Variants in ZNF723 observed in about 807,000 individuals in gnomAD.
The protein encoded by ZNF723 is zinc finger protein 723.
ZNF723 carries 5 observed loss-of-function variants against 9.4 expected under a neutral mutation model. The observed-to-expected ratio is 0.53, with a 90% CI of 0.28 to 1.12. The LOEUF (loss-of-function observed/expected upper bound fraction) is 1.12. ZNF723 is among the 50% of genes most tolerant of loss of function. ZNF723 has a pLI of 0.10. For synonymous variants in ZNF723, 158 were observed against 168.8 expected (o/e 0.94, Z 0.49); for missense variants, 450 against 501.5 (o/e 0.90, Z 0.98).
At chr19:22,851,441 GGATTACAGGCGTGA>G (rs1156999678) in intron 3 of ZNF723, among the ~76,000 whole-genome samples, 1 of 152,060 alleles carries the variant, frequency 6.6e-6, no homozygotes, top group Non-Finnish European at 1.5e-5. Flanking sequence ...TAAAGTGCTG[GGATTACAGGCGTGA>G]GGCACCGCGC....
chr19:22,834,723 C>T (rs1322847380), intron 1 of ZNF723, among the ~76,000 whole-genome samples: 1 of 152,082 alleles, frequency 6.6e-6, no homozygotes, highest in Non-Finnish European at 1.5e-5. Flanking sequence ...TTCACCTAAC[C>T]CATCTTCCAT....
intron 3 of ZNF723, among the ~76,000 whole-genome samples, chr19:22,853,814 A>G (rs1465800163): frequency 6.6e-6 from 1 of 152,012 alleles, no homozygotes; most frequent in African/African-American, 2.4e-5. Context: ...GGGTTTCACC[A>G]TGTTGGCCAG....
chr19:22,820,591 A>G, the ZNF723 span, among the ~76,000 whole-genome samples: 1 of 152,262 alleles, frequency 6.6e-6, no homozygotes, highest in South Asian at 2.1e-4. Flanking sequence ...AATACCTCAA[A>G]CCATCCAATA....
At chr19:22,813,630 G>T in the ZNF723 span, among the ~76,000 whole-genome samples, 1 of 151,540 alleles carries the variant, frequency 6.6e-6, no homozygotes, top group African/African-American at 2.4e-5. Flanking sequence ...AATCACAGCT[G>T]CTTGGGAGGC....
chr19:22,839,539 T>C (rs1967213225), intron 1 of ZNF723, among the ~76,000 whole-genome samples: 1 of 150,918 alleles, frequency 6.6e-6, no homozygotes, highest in African/African-American at 2.4e-5. Flanking sequence ...TGATCTCAGC[T>C]GATTGCAGTC....
intron 1 of ZNF723, among the ~76,000 whole-genome samples, chr19:22,846,690 T>C (rs1868818708): frequency 6.6e-6 from 1 of 152,038 alleles, no homozygotes. Flanking sequence ...AACTGCTCTC[T>C]AGGGTGCTCA....
chr19:22,856,126 A>G (rs147624776), intron 3 of ZNF723, among the ~76,000 whole-genome samples: 2,073 of 151,866 alleles, frequency 0.014, 47 homozygotes, highest in African/African-American at 0.048. Flanking sequence ...CACCCAGCTA[A>G]TTTTTTGTAT....
rs757102509 is a variant in ZNF723 at position 22,832,376 on chromosome 19, A to G, written c.-4A>G. The G allele has an allele frequency of 7.2e-7, 1 of 1,381,096 alleles. No individual in the cohort carries two copies. Among genetic ancestry groups the G allele is most frequent in the Admixed American group, 1.7e-5 (1 of 57,718 alleles). 85.6% of individuals were successfully genotyped at this position (1,381,096 alleles called of 1,614,324 possible). A position where few individuals can be genotyped will look rare whatever the true frequency, so the allele number is the denominator to read the frequency against. On this transcript the variant is annotated 5_prime_UTR_variant, in exon 1 of 4. Coordinates refer to ENST00000600766, the MANE Select transcript of ZNF723 (RefSeq NM_001349726.2). The stretch of plus-strand genomic sequence containing the variant: ...AGACGCCAGGACTCCCTGGAAGCCT[A>G]GAAATGGTGAGAGTACCGGGTCCGA...
chr19:22,834,034 G>T (rs1967133695), intron 1 of ZNF723, among the ~76,000 whole-genome samples: 1 of 144,020 alleles, frequency 6.9e-6, no homozygotes, highest in South Asian at 2.2e-4. Flanking sequence ...TCCTGCCTCA[G>T]CCTCCTAGGT....
Position 22,858,387 on chromosome 19 carries a change from A to T in ZNF723, c.1496A>T (p.His499Leu). The change falls in exon 4 of 4, where the codon CAT becomes CTT. Residue 499 changes from histidine (H) to leucine (L), a missense_variant. Physicochemically the swap from His to Leu is moderately conservative, Grantham distance 99. Transcript: ENST00000600766. ...AACAAGTCCTCAATTCTTAACAGAC[A>T]TAAGATAATTCATACTAAAGAGAAA... ...AFNKSSILNR[H>L]KIIHTKEKSQ... is the part of the protein sequence containing the mutation. The T allele has an allele frequency of 1.2e-6, 1 of 811,596 alleles. No individual in the cohort carries two copies. Among genetic ancestry groups the T allele is most frequent in the Non-Finnish European group, 2.0e-6 (1 of 492,410 alleles). 50.3% of individuals were successfully genotyped at this position (811,596 alleles called of 1,614,324 possible).
intron 1 of ZNF723, among the ~76,000 whole-genome samples, chr19:22,839,766 C>T (rs535378049): frequency 1.3e-5 from 2 of 152,238 alleles, no homozygotes; most frequent in Admixed American, 6.5e-5. Flanking sequence ...TGAGCCACTG[C>T]GCTTGGCCCT....
intron 3 of ZNF723, among the ~76,000 whole-genome samples, chr19:22,854,915 C>T (rs1415892173): frequency 6.6e-6 from 1 of 151,928 alleles, no homozygotes; most frequent in Non-Finnish European, 1.5e-5. Context: ...GGCGTGGTGG[C>T]ACATGCCTGT....
chr19:22,833,081 G>T (rs911792806), intron 1 of ZNF723, among the ~76,000 whole-genome samples: 1 of 151,960 alleles, frequency 6.6e-6, no homozygotes, highest in Non-Finnish European at 1.5e-5. Context: ...ATTTGAGTTA[G>T]ATTTTTTTTT....
intron 1 of ZNF723, among the ~76,000 whole-genome samples, 152 bp downstream of exon 1, chr19:22,832,534 A>G (rs1189227012): frequency 2.0e-5 from 3 of 152,158 alleles, no homozygotes; most frequent in Non-Finnish European, 1.5e-5. Flanking sequence ...ACCTTCAGCG[A>G]TAAGATGGCG....
intron 1 of ZNF723, among the ~76,000 whole-genome samples, chr19:22,834,855 G>GA (rs1406728554): frequency 9.9e-5 from 15 of 151,778 alleles, no homozygotes; most frequent in Admixed American, 2.6e-4. Flanking sequence ...CCAAAGACAG[G>GA]AAAAAAAACC....
intron 1 of ZNF723, among the ~76,000 whole-genome samples, chr19:22,833,036 T>A (rs1967117130): frequency 6.6e-6 from 1 of 152,218 alleles, no homozygotes. Context: ...TTTCGTTTCC[T>A]CTAATGTAGT....
intron 3 of ZNF723, among the ~76,000 whole-genome samples, chr19:22,853,498 C>T (rs558118391): frequency 1.3e-5 from 2 of 152,116 alleles, no homozygotes; most frequent in African/African-American, 4.8e-5. Context: ...ATAAATTTTT[C>T]AGGTTTTTTT....
chr19:22,850,331 C>T (rs1225170950), intron 3 of ZNF723, among the ~76,000 whole-genome samples: 4 of 151,598 alleles, frequency 2.6e-5, no homozygotes, highest in African/African-American at 9.7e-5. Flanking sequence ...CTCAGCCTCC[C>T]GAGTAGCTGG....
the ZNF723 span, among the ~76,000 whole-genome samples, chr19:22,820,848 A>G: frequency 6.6e-6 from 1 of 152,266 alleles, no homozygotes; most frequent in African/African-American, 2.4e-5. Flanking sequence ...TTGAGAACAC[A>G]GGTAAAACTG....
Sources: allele counts gnomAD v4.1 joint callset (sites outside exome capture counted in the v4.1 genomes callset), GRCh38; gene constraint gnomAD v4.1.1; transcripts MANE v1.5; gene names NCBI Gene and HGNC (gene_info 2026-07-23, HGNC 2026-07-21).